Variants in FNBP1L observed in about 807,000 individuals in gnomAD.
FNBP1L encodes formin-binding protein 1-like.
A neutral mutation model predicts 91.2 loss-of-function variants in FNBP1L; 36 were observed. The observed-to-expected ratio is 0.39, with a 90% CI of 0.30 to 0.52. The LOEUF (loss-of-function observed/expected upper bound fraction) is 0.52, where lower values mean the gene tolerates loss of function less well. Ranked by LOEUF, FNBP1L falls within the 20% of genes least tolerant of loss-of-function variation. The probability of loss-of-function intolerance (pLI) is 0.66; values close to 1 mark genes in which losing one functional copy is unlikely to be tolerated. For synonymous variants in FNBP1L, 242 were observed against 237.0 expected, an observed-to-expected ratio of 1.02 and a Z score of -0.19; for missense variants, 571 against 732.1, an observed-to-expected ratio of 0.78 and a Z score of 2.54.
chr1:93,511,270 T>C (rs1327820337), intron 2 of FNBP1L, among the ~76,000 whole-genome samples: 8 of 152,192 alleles, frequency 5.3e-5, no homozygotes, highest in Non-Finnish European at 8.8e-5. Context: ...GCAGAAACTC[T>C]ACAAGCCAGA....
At chr1:93,455,194 C>T (rs1251288371) in intron 1 of FNBP1L, among the ~76,000 whole-genome samples, 1 of 152,172 alleles carries the variant, frequency 6.6e-6, no homozygotes, top group Non-Finnish European at 1.5e-5. Flanking sequence ...TCCCAGAGTG[C>T]TGGGATTAGC....
intron 1 of FNBP1L, among the ~76,000 whole-genome samples, chr1:93,497,194 A>C (rs903637101): frequency 5.3e-5 from 8 of 151,006 alleles, no homozygotes; most frequent in African/African-American, 1.5e-4. Flanking sequence ...GATCTCCTGA[A>C]CTCGTGATCC....
At chr1:93,465,404 C>G (rs1357965445) in intron 1 of FNBP1L, among the ~76,000 whole-genome samples, 2 of 151,446 alleles carry the variant, frequency 1.3e-5, no homozygotes, top group African/African-American at 4.9e-5. Context: ...CGCCTTGTGT[C>G]CAAGTGATCT....
intron 1 of FNBP1L, among the ~76,000 whole-genome samples, chr1:93,471,643 G>C (rs1432332055): frequency 6.6e-6 from 1 of 152,198 alleles, no homozygotes; most frequent in Non-Finnish European, 1.5e-5. Context: ...AGTGAGCTGT[G>C]ATTGCACCAC....
chr1:93,455,217 C>T (rs1668620825), intron 1 of FNBP1L, among the ~76,000 whole-genome samples: 1 of 152,142 alleles, frequency 6.6e-6, no homozygotes, highest in South Asian at 2.1e-4. Flanking sequence ...CGTGAGCCAC[C>T]CCACCTGGCC....
chr1:93,465,243 G>A (rs1296916889), intron 1 of FNBP1L, among the ~76,000 whole-genome samples: 2 of 151,432 alleles, frequency 1.3e-5, no homozygotes, highest in African/African-American at 2.4e-5. Context: ...TAGGGTACAT[G>A]TGCACAACAT....
chr1:93,457,982 AG>A, intron 1 of FNBP1L, among the ~76,000 whole-genome samples: 1 of 151,844 alleles, frequency 6.6e-6, no homozygotes, highest in Admixed American at 6.6e-5. Flanking sequence ...TAGTAGAGAC[AG>A]GGTTTCACCG....
intron 8 of FNBP1L, among the ~76,000 whole-genome samples, chr1:93,534,104 A>G (rs774922792): frequency 6.6e-5 from 10 of 152,184 alleles, no homozygotes; most frequent in Admixed American, 2.0e-4. Context: ...TTTTAAATAC[A>G]TGGTATTAAA....
At chr1:93,540,111 T>C (rs748790689) in intron 10 of FNBP1L, among the ~76,000 whole-genome samples, 1 of 152,084 alleles carries the variant, frequency 6.6e-6, no homozygotes, top group Non-Finnish European at 1.5e-5. Flanking sequence ...GCTAGATAGA[T>C]GCCATGCCAG....
At chr1:93,552,300 CTA>C in intron 16 of FNBP1L, 107 bp from the exon 17 acceptor site, 1 of 1,490,252 alleles carries the variant, frequency 6.7e-7, no homozygotes. Context: ...CGGTAGCTGA[CTA>C]TAAAATGATA....
At chr1:93,486,398 CAAG>C (rs1025390606) in intron 1 of FNBP1L, among the ~76,000 whole-genome samples, 1 of 151,454 alleles carries the variant, frequency 6.6e-6, no homozygotes, top group Non-Finnish European at 1.5e-5. Context: ...CCATAATTTT[CAAG>C]AAGATGAAGA....
chr1:93,525,422 T>C (rs1465616916), intron 5 of FNBP1L, among the ~76,000 whole-genome samples: 1 of 152,168 alleles, frequency 6.6e-6, no homozygotes, highest in African/African-American at 2.4e-5. Context: ...TTCTTAGGTA[T>C]ATTAATAATG....
At chr1:93,457,164 T>C (rs537981602) in intron 1 of FNBP1L, among the ~76,000 whole-genome samples, 3 of 152,316 alleles carry the variant, frequency 2.0e-5, no homozygotes, top group Admixed American at 6.5e-5. Context: ...GGATTACAAG[T>C]GTGAGCCACT....
chr1:93,483,034 C>CA (rs1208579274), intron 1 of FNBP1L, among the ~76,000 whole-genome samples: 9 of 131,122 alleles, frequency 6.9e-5, no homozygotes, highest in Non-Finnish European at 1.3e-4. Context: ...ACAAAAAAAA[C>CA]AAAAAACAAA....
chr1:93,553,502 C>A lies in FNBP1L; in HGVS notation c.*1086C>A, dbSNP rs1315896302. 1 of 152,626 alleles carries A rather than the reference C, an allele frequency of 6.6e-6. No homozygotes were observed. The highest frequency in any genetic ancestry group is 2.1e-4 in the South Asian group (1 of 4,830). The allele number at this position is 152,626 out of a possible 1,614,324, so 9.5% of individuals were successfully genotyped here. ...ATCAAACTAAAGACATGTCCAAGTC[C>A]ATTTTAATTTCCTCAGTGGTTTTAT... On this transcript the variant is annotated 3_prime_UTR_variant, in exon 17 of 17. Transcript: ENST00000271234.
chr1:93,526,765 A>G (rs1038096006), intron 5 of FNBP1L, among the ~76,000 whole-genome samples: 2 of 152,162 alleles, frequency 1.3e-5, no homozygotes, highest in Non-Finnish European at 1.5e-5. Flanking sequence ...ATTATCTTTC[A>G]GGGAAGGAGC....
intron 1 of FNBP1L, among the ~76,000 whole-genome samples, chr1:93,465,674 A>G (rs1229264875): frequency 6.6e-6 from 1 of 152,134 alleles, no homozygotes; most frequent in African/African-American, 2.4e-5. Context: ...ATGTGTACAT[A>G]TGTCTTTATA....
intron 1 of FNBP1L, among the ~76,000 whole-genome samples, chr1:93,492,260 T>C (rs1304337231): frequency 6.6e-6 from 1 of 152,164 alleles, no homozygotes; most frequent in African/African-American, 2.4e-5. Flanking sequence ...ATGAATTCTT[T>C]ATGGGAACCA....
chr1:93,481,072 C>T (rs1205244535), intron 1 of FNBP1L, among the ~76,000 whole-genome samples: 1 of 152,134 alleles, frequency 6.6e-6, no homozygotes, highest in Non-Finnish European at 1.5e-5. Context: ...AGACATTTTC[C>T]TGACAAATGC....
Sources: allele counts gnomAD v4.1 joint callset (sites outside exome capture counted in the v4.1 genomes callset), GRCh38; gene constraint gnomAD v4.1.1; transcripts MANE v1.5; gene names NCBI Gene and HGNC (gene_info 2026-07-23, HGNC 2026-07-21).